Variants in TENM3 observed in about 807,000 individuals in gnomAD.
TENM3 encodes the protein teneurin-3.
In TENM3, 63 loss-of-function variants were observed where a neutral mutation model predicts 255.1. That is an observed-to-expected ratio of 0.25 (90% CI 0.20 to 0.30). TENM3 has a LOEUF of 0.30. Ranked by LOEUF, TENM3 falls within the 10% of genes least tolerant of loss-of-function variation. The pLI, the probability that TENM3 is intolerant of heterozygous loss-of-function variation, is 1.00. For synonymous variants in TENM3, 1,306 were observed against 1,322.3 expected, an observed-to-expected ratio of 0.99 and a Z score of 0.27; for missense variants, 2,929 against 3,461.1, an observed-to-expected ratio of 0.85 and a Z score of 3.86.
the TENM3 span, among the ~76,000 whole-genome samples, chr4:181,881,407 C>A: frequency 6.6e-6 from 1 of 151,984 alleles, no homozygotes; most frequent in Non-Finnish European, 1.5e-5. Context: ...GTTCAGAAGA[C>A]AGACAAAATG....
chr4:182,561,963 T>C (rs577337953), intron 3 of TENM3, among the ~76,000 whole-genome samples: 131 of 148,802 alleles, frequency 8.8e-4, no homozygotes, highest in African/African-American at 3.1e-3. Context: ...CAATACTGTG[T>C]ATATCCAGAT....
the TENM3 span, among the ~76,000 whole-genome samples, chr4:181,769,470 C>T: frequency 6.6e-6 from 1 of 152,214 alleles, no homozygotes; most frequent in African/African-American, 2.4e-5. Flanking sequence ...GGCTCCTCCT[C>T]ATTGGGTTAA....
At chr4:182,152,911 G>A (rs181193151) in intron 1 of TENM3, among the ~76,000 whole-genome samples, 10 of 151,622 alleles carry the variant, frequency 6.6e-5, no homozygotes, top group South Asian at 2.1e-4. Flanking sequence ...AATTTGAAGC[G>A]CAGTACCTTT....
At chr4:182,253,705 A>T (rs2150127417) in intron 1 of TENM3, among the ~76,000 whole-genome samples, 1 of 152,324 alleles carries the variant, frequency 6.6e-6, no homozygotes, top group South Asian at 2.1e-4. Context: ...AAGATATATT[A>T]TCTTTTTAAA....
At chr4:181,777,165 A>G in the TENM3 span, among the ~76,000 whole-genome samples, 2 of 152,058 alleles carry the variant, frequency 1.3e-5, no homozygotes, top group Non-Finnish European at 2.9e-5. Context: ...CAGTTTTCCT[A>G]GCATTATTAA....
At chr4:182,769,302 AT>A (rs1763975877) in intron 22 of TENM3, among the ~76,000 whole-genome samples, 1 of 150,432 alleles carries the variant, frequency 6.6e-6, no homozygotes, top group Admixed American at 6.8e-5. Flanking sequence ...CTTTGAAGAC[AT>A]TTTCTTTCAC....
At chr4:182,540,764 T>C (rs1740800342) in intron 3 of TENM3, among the ~76,000 whole-genome samples, 2 of 152,260 alleles carry the variant, frequency 1.3e-5, no homozygotes, top group South Asian at 4.1e-4. Context: ...CATATACATA[T>C]ATGGCTTCTG....
intron 3 of TENM3, among the ~76,000 whole-genome samples, chr4:182,466,820 A>G (rs1297070308): frequency 1.4e-5 from 1 of 71,630 alleles, no homozygotes; most frequent in Non-Finnish European, 3.2e-5. Flanking sequence ...AGGATACAAG[A>G]AGGTAAAAAA....
At chr4:182,097,150 C>T in the TENM3 span, among the ~76,000 whole-genome samples, 3 of 152,150 alleles carry the variant, frequency 2.0e-5, no homozygotes, top group Non-Finnish European at 4.4e-5. Flanking sequence ...TGGTGTCTGC[C>T]TTCTAATAAT....
chr4:182,464,446 A>G (rs1277867415), intron 3 of TENM3, among the ~76,000 whole-genome samples: 1 of 152,028 alleles, frequency 6.6e-6, no homozygotes, highest in Non-Finnish European at 1.5e-5. Flanking sequence ...TAGTAGAGAC[A>G]GGGTTTCACC....
intron 3 of TENM3, among the ~76,000 whole-genome samples, chr4:182,432,167 G>A (rs1194904846): frequency 6.6e-6 from 1 of 152,034 alleles, no homozygotes; most frequent in African/African-American, 2.4e-5. Flanking sequence ...TGATTAATTG[G>A]TCCAAGAAGG....
intron 1 of TENM3, among the ~76,000 whole-genome samples, chr4:182,170,152 T>G (rs1254101457): frequency 1.3e-5 from 2 of 151,832 alleles, no homozygotes; most frequent in Non-Finnish European, 2.9e-5. Context: ...TGTCTTTCAT[T>G]CCTTTAAGAT....
chr4:182,484,569 T>TTG (rs1320607960), intron 3 of TENM3, among the ~76,000 whole-genome samples: 5 of 152,176 alleles, frequency 3.3e-5, no homozygotes, highest in South Asian at 2.1e-4. Flanking sequence ...TTTTGAATGA[T>TTG]TGTGTGCCTA....
chr4:182,629,817 A>C (rs1321608113), intron 5 of TENM3, among the ~76,000 whole-genome samples: 1 of 152,206 alleles, frequency 6.6e-6, no homozygotes, highest in Non-Finnish European at 1.5e-5. Context: ...GCAGTGGACC[A>C]GTATCTTCCA....
chr4:182,599,416 TC>T (rs1195195917), intron 3 of TENM3, among the ~76,000 whole-genome samples: 1 of 152,100 alleles, frequency 6.6e-6, no homozygotes, highest in African/African-American at 2.4e-5. Flanking sequence ...TTTTTGAAGT[TC>T]CCCCATATCA....
intron 7 of TENM3, among the ~76,000 whole-genome samples, chr4:182,678,992 A>AT (rs1405188793): frequency 6.6e-6 from 1 of 152,198 alleles, no homozygotes; most frequent in African/African-American, 2.4e-5. Flanking sequence ...GTTCTCACTC[A>AT]TAAGTGGGAG....
chr4:181,568,267 G>C, the TENM3 span, among the ~76,000 whole-genome samples: 2 of 151,112 alleles, frequency 1.3e-5, no homozygotes, highest in African/African-American at 4.9e-5. Flanking sequence ...GGGTTCAAGT[G>C]ATTCTCCTGC....
chr4:182,464,819 AC>A (rs1463313315), intron 3 of TENM3, among the ~76,000 whole-genome samples: 1 of 152,176 alleles, frequency 6.6e-6, no homozygotes, highest in Non-Finnish European at 1.5e-5. Flanking sequence ...ATAACCTATT[AC>A]CTTATAAACT....
intron 1 of TENM3, among the ~76,000 whole-genome samples, chr4:182,285,405 C>T (rs1214906032): frequency 1.3e-5 from 2 of 152,152 alleles, no homozygotes; most frequent in East Asian, 3.8e-4. Context: ...CATTTACAGT[C>T]CACGTGTGTT....
Sources: gnomAD v4.1 joint callset for allele counts (sites outside exome capture counted in the v4.1 genomes callset) on GRCh38, gnomAD v4.1.1 for gene constraint, MANE v1.5 for transcripts, NCBI Gene and HGNC (gene_info 2026-07-23, HGNC 2026-07-21) for gene names.